BBS12: variants seen among roughly 807,000 people sequenced by gnomAD.
BBS12 encodes Bardet-Biedl syndrome 12.
Under a neutral mutation model 5.6 loss-of-function variants are expected in BBS12, and 5 were observed. That is an observed-to-expected ratio of 0.89 (90% CI 0.46 to 1.86). The LOEUF is 1.86. Ranked by LOEUF, BBS12 falls within the 40% of genes most tolerant of loss-of-function variation. The probability of loss-of-function intolerance (pLI) is 0.01; values close to 1 mark genes in which losing one functional copy is unlikely to be tolerated. For missense variants in BBS12, 748 were observed against 830.4 expected, an observed-to-expected ratio of 0.90 and a Z score of 1.22; for synonymous variants, 308 against 306.8, an observed-to-expected ratio of 1.00 and a Z score of -0.04.
chr4:122,742,035 T>C lies in BBS12; in HGVS notation c.143T>C (p.Val48Ala), dbSNP rs1800881705. 3 of 1,614,162 alleles carry C rather than the reference T, an allele frequency of 1.9e-6. No individual in the cohort carries two copies. In the South Asian group the frequency reaches 3.3e-5, roughly 18 times the overall value. Reference protein sequence around the residue: ...FIIDEECHESVLISSTVRLLE... With the variant: ...FIIDEECHESALISSTVRLLE... ...ATAGATGAAGAATGTCATGAAAGTG[T>C]ATTAATCAGTTCAACAGTAAGGCTT... The change falls in exon 2 of 2, where the codon GTA becomes GCA. Residue 48 changes from valine to alanine, a missense_variant. Transcript: ENST00000314218.
the BBS12 span, among the ~76,000 whole-genome samples, chr4:122,716,719 GTGTATATACA>G: frequency 8.5e-6 from 1 of 118,170 alleles, no homozygotes; most frequent in African/African-American, 4.1e-5. Flanking sequence ...ACACATATGT[GTGTATATACA>G]CACACACGTG....
At chr4:122,718,808 C>G in the BBS12 span, among the ~76,000 whole-genome samples, 2 of 151,934 alleles carry the variant, frequency 1.3e-5, no homozygotes, top group Non-Finnish European at 2.9e-5. Context: ...GTTCCCGACT[C>G]TGTCTTTATT....
chr4:122,736,898 G>T (rs548933504), intron 1 of BBS12, among the ~76,000 whole-genome samples: 13 of 152,238 alleles, frequency 8.5e-5, no homozygotes, highest in African/African-American at 2.6e-4. Context: ...GGAATGCTGA[G>T]AATTTTTAAA....
chr4:122,704,534 C>T, the BBS12 span, among the ~76,000 whole-genome samples: 21 of 152,148 alleles, frequency 1.4e-4, no homozygotes, highest in African/African-American at 5.1e-4. Context: ...TCATATTCGC[C>T]TCCCATAAAA....
the BBS12 span, among the ~76,000 whole-genome samples, chr4:122,716,685 A>ACG: frequency 1.2e-5 from 1 of 81,660 alleles, no homozygotes; most frequent in Non-Finnish European, 2.2e-5. Context: ...ATATATACAC[A>ACG]TATGTGTATG....
chr4:122,722,143 C>T, the BBS12 span, among the ~76,000 whole-genome samples: 23 of 152,018 alleles, frequency 1.5e-4, no homozygotes, highest in African/African-American at 5.6e-4. Flanking sequence ...TTCTTTTATA[C>T]CTTATGGATA....
chr4:122,742,208 G>A lies in BBS12; in HGVS notation c.316G>A (p.Gly106Ser), dbSNP rs759091753. The stretch of plus-strand genomic sequence containing the variant: ...TGCAGTTGAAGAATGTCTTCATCTT[G>A]GTGTCCCCATTTCCATAATAGTATC... ...SSAVEECLHL[G>S]VPISIIVSVM... The change falls in exon 2 of 2, where the codon GGT becomes AGT. Residue 106 changes from glycine to serine, a missense_variant. Gly to Ser is a moderately conservative substitution (Grantham distance 56). Transcript: ENST00000314218. The A allele has an allele frequency of 6.2e-7, 1 of 1,613,788 alleles. No homozygotes were observed. The highest frequency in any genetic ancestry group is 1.3e-5 in the African/African-American group (1 of 75,028).
the BBS12 span, among the ~76,000 whole-genome samples, chr4:122,727,129 G>A: frequency 6.6e-6 from 1 of 152,102 alleles, no homozygotes. Flanking sequence ...TATAAAGGCT[G>A]AAACACAATG....
the BBS12 span, among the ~76,000 whole-genome samples, chr4:122,711,648 T>C: frequency 1.3e-5 from 2 of 152,204 alleles, no homozygotes; most frequent in Non-Finnish European, 2.9e-5. Flanking sequence ...GAATGCTGAA[T>C]TCTGGGACAG....
chr4:122,740,305 T>A (rs1487177887), intron 1 of BBS12, among the ~76,000 whole-genome samples: 2 of 152,156 alleles, frequency 1.3e-5, no homozygotes, highest in African/African-American at 4.8e-5. Context: ...ATTTCTGAGT[T>A]CGCTGTGACT....
chr4:122,741,243 G>A (rs1308379301), intron 1 of BBS12, among the ~76,000 whole-genome samples: 1 of 152,138 alleles, frequency 6.6e-6, no homozygotes, highest in African/African-American at 2.4e-5. Flanking sequence ...CTGGAGTGCA[G>A]TGGCGCCATC....
chr4:122,702,389 G>A, the BBS12 span, among the ~76,000 whole-genome samples: 291 of 152,368 alleles, frequency 1.9e-3, no homozygotes, highest in Middle Eastern at 3.4e-3. Context: ...GATCTGGAGA[G>A]AGAGAGCATG....
At chr4:122,730,093 G>A (rs897504580), upstream of BBS12, 1 of 152,156 alleles carries the variant, frequency 6.6e-6, no homozygotes, top group South Asian at 2.1e-4. Context: ...ATAACTAAAA[G>A]AAGAAAATTA....
chr4:122,716,717 GTGTGTATATACACACACA>G, the BBS12 span, among the ~76,000 whole-genome samples: 1 of 118,408 alleles, frequency 8.4e-6, no homozygotes, highest in African/African-American at 4.0e-5. Context: ...ATACACATAT[GTGTGTATATACACACACA>G]CGTGTGTGTG....
the BBS12 span, among the ~76,000 whole-genome samples, chr4:122,715,770 A>G: frequency 6.6e-6 from 1 of 152,220 alleles, no homozygotes; most frequent in Non-Finnish European, 1.5e-5. Context: ...AAAATATAAT[A>G]CAGTGCACCT....
In BBS12 at chr4:122,743,871, C is replaced by T. The variant is rs147281546; in HGVS notation, c.1979C>T (p.Pro660Leu). ...ATTTCAAATAAACTGGAGCAGATTC[C>T]GAGAGTTTATGACGTTGTTACACCA... is the stretch of plus-strand genomic sequence containing the variant. ...SDISNKLEQI[P>L]RVYDVVTPKI... Residue 660 changes from proline (P) to leucine (L), a missense_variant, in exon 2 of 2, where the codon CCG becomes CTG. Coordinates refer to ENST00000314218, the MANE Select transcript of BBS12 (RefSeq NM_152618.3). 1.4e-4 allele frequency: 218 copies of T among 1,604,846 alleles called. No individual in the cohort carries two copies. In the African/African-American group the frequency reaches 1.4e-3, roughly 10 times the overall value.
the BBS12 span, among the ~76,000 whole-genome samples, chr4:122,700,606 T>C: frequency 6.6e-6 from 1 of 152,218 alleles, no homozygotes; most frequent in East Asian, 1.9e-4. Context: ...GTTGTGTGTG[T>C]GGGTGCTCTG....
At chr4:122,706,748 T>A in the BBS12 span, among the ~76,000 whole-genome samples, 2 of 152,214 alleles carry the variant, frequency 1.3e-5, no homozygotes, top group Admixed American at 1.3e-4. Context: ...AATCTCTAGT[T>A]CTTTCATGGA....
At chr4:122,724,976 T>C in the BBS12 span, among the ~76,000 whole-genome samples, 5 of 152,214 alleles carry the variant, frequency 3.3e-5, no homozygotes, top group Admixed American at 3.3e-4. Flanking sequence ...TGCCATGATT[T>C]TTTTTTAAAT....
Sources: gnomAD v4.1 joint callset for allele counts (sites outside exome capture counted in the v4.1 genomes callset) on GRCh38, gnomAD v4.1.1 for gene constraint, MANE v1.5 for transcripts, NCBI Gene and HGNC (gene_info 2026-07-23, HGNC 2026-07-21) for gene names.